The following PRMT3 variants were observed in gnomAD, a reference collection of about 807,000 sequenced individuals.
PRMT3 encodes protein arginine N-methyltransferase 3.
Under a neutral mutation model 71.9 loss-of-function variants are expected in PRMT3, and 62 were observed. That is an observed-to-expected ratio of 0.86 (90% CI 0.70 to 1.07). The LOEUF (loss-of-function observed/expected upper bound fraction) is 1.07, where lower values mean the gene tolerates loss of function less well. PRMT3 is among the 50% of genes least tolerant of loss of function. PRMT3 has a pLI of 0.00. For synonymous variants in PRMT3, 213 were observed against 220.4 expected (o/e 0.97, Z 0.30); for missense variants, 663 against 643.0 (o/e 1.03, Z -0.34).
chr11:20,448,793 A>G (rs7932921), intron 10 of PRMT3, among the ~76,000 whole-genome samples: 5,006 of 152,246 alleles, frequency 0.033, 192 homozygotes, highest in Admixed American at 0.12. Flanking sequence ...ATGTTCCTTT[A>G]TAGTAATCAT....
intron 11 of PRMT3, among the ~76,000 whole-genome samples, chr11:20,454,237 A>G (rs1850217325): frequency 1.3e-5 from 2 of 152,152 alleles, no homozygotes. Context: ...ACTAAAATGT[A>G]TTTTTTAAAT....
chr11:20,412,849 C>T (rs892658954), intron 9 of PRMT3, among the ~76,000 whole-genome samples: 6 of 152,048 alleles, frequency 3.9e-5, no homozygotes, highest in African/African-American at 1.2e-4. Context: ...GTGGCATGTG[C>T]CTGAGGCAGG....
intron 15 of PRMT3, among the ~76,000 whole-genome samples, chr11:20,501,552 C>T (rs1054539144): frequency 1.3e-5 from 2 of 151,980 alleles, no homozygotes; most frequent in African/African-American, 4.8e-5. Context: ...CTAAAAGTAG[C>T]TTTTGACCCA....
At chr11:20,497,746 A>C (rs1467393240) in intron 15 of PRMT3, among the ~76,000 whole-genome samples, 2 of 152,218 alleles carry the variant, frequency 1.3e-5, no homozygotes, top group African/African-American at 2.4e-5. Context: ...ATGTGTACCA[A>C]GGAGTTCTCA....
chr11:20,411,409 A>G (rs566455696), intron 9 of PRMT3, among the ~76,000 whole-genome samples: 15 of 152,090 alleles, frequency 9.9e-5, no homozygotes, highest in Non-Finnish European at 1.9e-4. Context: ...TGCTGTGTCA[A>G]ATATTTTATG....
At chr11:20,506,645 A>AT (rs1009554178) in intron 15 of PRMT3, among the ~76,000 whole-genome samples, 3 of 152,094 alleles carry the variant, frequency 2.0e-5, no homozygotes, top group Non-Finnish European at 4.4e-5. Flanking sequence ...GGGAATTTGT[A>AT]TTTTTTTAAA....
intron 10 of PRMT3, among the ~76,000 whole-genome samples, chr11:20,436,091 G>A (rs1231617171): frequency 2.0e-5 from 3 of 152,104 alleles, no homozygotes; most frequent in Non-Finnish European, 2.9e-5. Flanking sequence ...ATATAAATGG[G>A]ATTGCTTTCT....
chr11:20,496,242 A>T (rs1851329227), intron 15 of PRMT3, among the ~76,000 whole-genome samples: 1 of 152,160 alleles, frequency 6.6e-6, no homozygotes, highest in Non-Finnish European at 1.5e-5. Context: ...TAAGTTATGT[A>T]TGTATGTTTC....
intron 9 of PRMT3, among the ~76,000 whole-genome samples, chr11:20,415,149 GA>G (rs1208693617): frequency 6.6e-6 from 1 of 151,908 alleles, no homozygotes; most frequent in African/African-American, 2.4e-5. Flanking sequence ...AGAAATAACA[GA>G]AATGTGAATT....
intron 10 of PRMT3, among the ~76,000 whole-genome samples, chr11:20,449,808 T>C (rs1850109463): frequency 6.6e-6 from 1 of 152,152 alleles, no homozygotes; most frequent in African/African-American, 2.4e-5. Flanking sequence ...TTTTATTTAT[T>C]CATTTTAAAG....
chr11:20,399,120 T>C (rs1005339969), intron 7 of PRMT3, among the ~76,000 whole-genome samples: 1 of 152,228 alleles, frequency 6.6e-6, no homozygotes, highest in African/African-American at 2.4e-5. Context: ...TTTAGATGTT[T>C]ATCTCTGAAT....
At chr11:20,389,963 C>A in intron 3 of PRMT3, 137 bp downstream of exon 3, 1 of 569,470 alleles carries the variant, frequency 1.8e-6, no homozygotes, top group Non-Finnish European at 3.1e-6. Context: ...ACCAGCCTGG[C>A]CAACATGCTG....
At chr11:20,493,628 T>C (rs1224540467) in intron 13 of PRMT3, among the ~76,000 whole-genome samples, 2 of 151,038 alleles carry the variant, frequency 1.3e-5, no homozygotes, top group Non-Finnish European at 3.0e-5. Context: ...GCTGAGTCTC[T>C]CTCTCCATGT....
At chr11:20,404,252 T>C (rs1849022653) in intron 8 of PRMT3, among the ~76,000 whole-genome samples, 1 of 105,962 alleles carries the variant, frequency 9.4e-6, no homozygotes, top group Non-Finnish European at 1.9e-5. Flanking sequence ...TTTTTTTTTT[T>C]GAGACAGAGT....
chr11:20,388,151 AC>A lies in PRMT3; in HGVS notation c.162del (p.Asn54LysfsTer39). On this transcript the variant is annotated frameshift_variant and splice_region_variant, in exon 2 of 16. Coordinates refer to ENST00000331079, the MANE Select transcript of PRMT3 (RefSeq NM_005788.4). LOFTEE classifies it high-confidence loss of function. Reference protein sequence around the residue: ...GKQQTPCLFCNRLFTSAEETF... With the variant: ...GKQQTPCLFCXRLFTSAEETF... ...CAGCAGACCCCCTGCCTGTTCTGTA[AC>A]AGGTTCGTCCGCCTCAGCGCCTGGC... The A allele has an allele frequency of 1.2e-6, 2 of 1,613,848 alleles. No homozygotes were observed. The highest frequency in any genetic ancestry group is 1.3e-5 in the African/African-American group (1 of 75,040).
At chr11:20,448,104 G>A (rs576086844) in intron 10 of PRMT3, among the ~76,000 whole-genome samples, 3 of 152,048 alleles carry the variant, frequency 2.0e-5, no homozygotes, top group South Asian at 2.1e-4. Flanking sequence ...GGTGGAAATC[G>A]TAGAATTCAA....
chr11:20,461,591 A>G (rs1378920356), intron 11 of PRMT3, among the ~76,000 whole-genome samples: 2 of 152,206 alleles, frequency 1.3e-5, no homozygotes, highest in African/African-American at 2.4e-5. Context: ...CATGCTACAT[A>G]TCTTTTTAAA....
chr11:20,428,145 C>A (rs957500), intron 10 of PRMT3, among the ~76,000 whole-genome samples: 124,298 of 151,912 alleles, frequency 0.82, 52,832 homozygotes, highest in Non-Finnish European at 0.95. Context: ...TATCAGTATT[C>A]TCACACCAAA....
intron 13 of PRMT3, among the ~76,000 whole-genome samples, chr11:20,478,874 C>A (rs1315051100): frequency 6.6e-6 from 1 of 152,158 alleles, no homozygotes; most frequent in Non-Finnish European, 1.5e-5. Context: ...AAGCTTATTT[C>A]TAGGTATTAA....
Sources: gnomAD v4.1 joint callset for allele counts (sites outside exome capture counted in the v4.1 genomes callset) on GRCh38, gnomAD v4.1.1 for gene constraint, MANE v1.5 for transcripts, NCBI Gene and HGNC (gene_info 2026-07-23, HGNC 2026-07-21) for gene names.